COL19A1: variants seen among roughly 807,000 people sequenced by gnomAD.
COL19A1 encodes collagen alpha-1(XIX) chain.
A neutral mutation model predicts 190.2 loss-of-function variants in COL19A1; 159 were observed. The ratio of observed to expected loss-of-function variants is 0.84; its 90% confidence interval spans 0.73 to 0.95. The LOEUF (loss-of-function observed/expected upper bound fraction) is 0.95, where lower values mean the gene tolerates loss of function less well. Ranked by LOEUF, COL19A1 falls within the 40% of genes least tolerant of loss-of-function variation. COL19A1 has a pLI of 0.00. For missense variants in COL19A1, 1,418 were observed against 1,431.9 expected (o/e 0.99, Z 0.16); for synonymous variants, 509 against 458.9 (o/e 1.11, Z -1.39).
At chr6:69,980,332 G>A (rs993584804) in intron 11 of COL19A1, among the ~76,000 whole-genome samples, 9 of 151,966 alleles carry the variant, frequency 5.9e-5, no homozygotes, top group Non-Finnish European at 2.9e-5. Context: ...TGAAAGGATG[G>A]GTTATTCCAC....
chr6:69,964,541 T>G (rs188961125), intron 11 of COL19A1, among the ~76,000 whole-genome samples: 1 of 152,290 alleles, frequency 6.6e-6, no homozygotes, highest in Admixed American at 6.5e-5. Context: ...TGATAGTTTA[T>G]ATACATAGCT....
chr6:70,017,300 A>G (rs911437997), intron 11 of COL19A1, among the ~76,000 whole-genome samples: 1 of 152,124 alleles, frequency 6.6e-6, no homozygotes, highest in Non-Finnish European at 1.5e-5. Context: ...GACAAAAACT[A>G]TGTCAGTAGT....
chr6:70,125,703 A>C lies in COL19A1; in HGVS notation c.1341+3761A>C, dbSNP rs1468849676. ...TATGTGGATTTTTGCATGCCTACTT[A>C]TGGATGCAAAGAATAAAAGGTAGAT... is the stretch of plus-strand genomic sequence containing the variant. On this transcript the variant is annotated intron_variant, in intron 17 of 50. Transcript: ENST00000620364. 2.0e-5 allele frequency among the ~76,000 whole-genome samples: 3 copies of C among 152,340 alleles called. No homozygotes were observed. The East Asian group carries it at 5.8e-4, about 29-fold the overall frequency.
chr6:70,151,326 A>T, intron 30 of COL19A1, 71 bp from the exon 31 acceptor site: 1 of 1,480,128 alleles, frequency 6.8e-7, no homozygotes, highest in Non-Finnish European at 9.4e-7. Flanking sequence ...TGTCTACATT[A>T]TACTGTATGT....
At chr6:69,875,253 A>G (rs1350173983) in intron 1 of COL19A1, among the ~76,000 whole-genome samples, 2 of 152,200 alleles carry the variant, frequency 1.3e-5, no homozygotes, top group African/African-American at 2.4e-5. Context: ...TCATCACTGG[A>G]AAGAATGGTA....
rs1479646007 is a variant in COL19A1, at chr6:70,207,198, G to A, written c.3353G>A (p.Gly1118Glu). Reference protein sequence around the residue: ...PGAPGPQGPPGPSGRCNPEDC... With the variant: ...PGAPGPQGPPEPSGRCNPEDC... ...GCCCCAGGCCCACAGGGCCCCCCAG[G>A]ACCCAGTGGAAGATGTAACCCAGAA... Residue 1118 changes from glycine (G) to glutamate (E), a missense_variant, in exon 51 of 51, where the codon GGA becomes GAA. Physicochemically the swap from Gly to Glu is moderately conservative, Grantham distance 98. Coordinates refer to ENST00000620364, the MANE Select transcript of COL19A1 (RefSeq NM_001858.6). 2.5e-6 allele frequency: 4 copies of A among 1,613,910 alleles called. No homozygotes were observed. The highest frequency in any genetic ancestry group is 2.2e-5 in the South Asian group (2 of 91,054).
At chr6:70,184,280 A>C (rs917931485) in intron 44 of COL19A1, among the ~76,000 whole-genome samples, 1 of 152,236 alleles carries the variant, frequency 6.6e-6, no homozygotes, top group Non-Finnish European at 1.5e-5. Flanking sequence ...AGAAGGTAAC[A>C]AAAATGCCAT....
At chr6:70,026,521 C>G (rs996002307) in intron 12 of COL19A1, among the ~76,000 whole-genome samples, 1 of 152,198 alleles carries the variant, frequency 6.6e-6, no homozygotes, top group African/African-American at 2.4e-5. Context: ...CACTTGGTTA[C>G]TTAGTTAATA....
chr6:70,180,644 G>A (rs1766115499), intron 44 of COL19A1, 121 bp downstream of exon 44: 1 of 1,015,634 alleles, frequency 9.8e-7, no homozygotes, highest in Non-Finnish European at 1.5e-6. Context: ...TAAGAAGAAT[G>A]CACAGATGGA....
At chr6:70,203,584 T>G (rs1403411900) in intron 49 of COL19A1, among the ~76,000 whole-genome samples, 3 of 148,786 alleles carry the variant, frequency 2.0e-5, no homozygotes, top group Non-Finnish European at 4.5e-5. Context: ...ATGCCCACCG[T>G]AAACAACTAT....
chr6:69,953,750 G>T (rs1035523999), intron 9 of COL19A1, among the ~76,000 whole-genome samples: 1 of 151,948 alleles, frequency 6.6e-6, no homozygotes, highest in African/African-American at 2.4e-5. Flanking sequence ...TTGCTAAACA[G>T]TCAGATTTCA....
intron 11 of COL19A1, among the ~76,000 whole-genome samples, chr6:69,989,266 A>T (rs1043613587): frequency 2.6e-5 from 4 of 152,208 alleles, no homozygotes; most frequent in Non-Finnish European, 5.9e-5. Flanking sequence ...CTAAAAGAGC[A>T]TGTCCAGACA....
intron 15 of COL19A1, among the ~76,000 whole-genome samples, chr6:70,071,010 G>A (rs1009905225): frequency 1.3e-5 from 2 of 152,058 alleles, no homozygotes; most frequent in South Asian, 2.1e-4. Context: ...GAAGTTTTAT[G>A]TACTTTATTC....
chr6:70,038,851 T>A (rs1226839211), intron 14 of COL19A1, among the ~76,000 whole-genome samples: 1 of 152,010 alleles, frequency 6.6e-6, no homozygotes, highest in Non-Finnish European at 1.5e-5. Context: ...TTCCCATAGA[T>A]CAATGGTTCT....
rs147166966 is a variant in COL19A1, at chr6:70,034,824, T to G, written c.1134+526T>G. On this transcript the variant is annotated intron_variant, in intron 13 of 50. Coordinates refer to ENST00000620364, the MANE Select transcript of COL19A1 (RefSeq NM_001858.6). ...ATAAAGTAGTTGGGTGATCCCAGTT[T>G]GATGAAAATTGTATGTATATGTGTT... Among the ~76,000 whole-genome samples, 660 of 152,308 alleles carry G rather than the reference T, an allele frequency of 4.3e-3. 7 individuals carry two copies. Among genetic ancestry groups the G allele is most frequent in the Non-Finnish European group, 6.2e-3 (419 of 68,016 alleles).
chr6:70,072,545 C>T (rs3806004), intron 15 of COL19A1, among the ~76,000 whole-genome samples: 22,655 of 152,126 alleles, frequency 0.15, 2,177 homozygotes, highest in South Asian at 0.28. Context: ...CCCCTCTATC[C>T]TGCCCTGTCT....
chr6:70,178,572 C>T (rs1219350221), intron 42 of COL19A1, among the ~76,000 whole-genome samples: 1 of 152,128 alleles, frequency 6.6e-6, no homozygotes, highest in Non-Finnish European at 1.5e-5. Context: ...AGTGTGAATG[C>T]ACTTAGTGCC....
intron 11 of COL19A1, among the ~76,000 whole-genome samples, chr6:69,996,753 T>C (rs1776926058): frequency 6.6e-6 from 1 of 152,012 alleles, no homozygotes; most frequent in Admixed American, 6.6e-5. Flanking sequence ...TTTAAAACCT[T>C]TAAAAAACTA....
rs1016546872 is a variant in COL19A1, at chr6:70,210,745, T to C, written c.*3471T>C. Among the ~76,000 whole-genome samples the C allele has an allele frequency of 9.9e-5, 15 of 152,174 alleles. No individual in the cohort carries two copies. Among genetic ancestry groups the C allele is most frequent in the African/African-American group, 3.6e-4 (15 of 41,458 alleles). ...CAGAAATACAAGGCTACGAACAGTT[T>C]AGTGGACAACTAAATCAGACTCTTG... On this transcript the variant is annotated 3_prime_UTR_variant, in exon 51 of 51. Transcript: ENST00000620364.
Sources: allele counts gnomAD v4.1 joint callset (sites outside exome capture counted in the v4.1 genomes callset), GRCh38; gene constraint gnomAD v4.1.1; transcripts MANE v1.5; gene names NCBI Gene and HGNC (gene_info 2026-07-23, HGNC 2026-07-21).